TIAM2: variants seen among roughly 807,000 people sequenced by gnomAD.
TIAM2 encodes the protein rho guanine nucleotide exchange factor TIAM2.
TIAM2 carries 80 observed loss-of-function variants against 152.9 expected under a neutral mutation model. That is an observed-to-expected ratio of 0.52 (90% confidence interval 0.44 to 0.63). The LOEUF (loss-of-function observed/expected upper bound fraction) is 0.63. Among genes scored for constraint, TIAM2 ranks in the 30% least tolerant of loss-of-function variants. The pLI is 0.00. For missense variants in TIAM2, 1,965 were observed against 2,120.1 expected (o/e 0.93, Z 1.44); for synonymous variants, 804 against 838.0 (o/e 0.96, Z 0.70).
intron 21 of TIAM2, chr6:155,250,662 G>A (rs1783600600): frequency 2.0e-6 from 3 of 1,520,688 alleles, no homozygotes; most frequent in East Asian, 4.9e-5. Context: ...TGGTCACAAG[G>A]CATGTCTCAC....
At chr6:155,117,482 G>A (rs897765985) in intron 2 of TIAM2, among the ~76,000 whole-genome samples, 5 of 152,086 alleles carry the variant, frequency 3.3e-5, no homozygotes, top group African/African-American at 7.2e-5. Context: ...ATGCTTTGTC[G>A]CCCAGGCTGG....
chr6:155,098,267 G>T (rs761105972), intron 2 of TIAM2, among the ~76,000 whole-genome samples: 6 of 152,056 alleles, frequency 3.9e-5, no homozygotes, highest in Non-Finnish European at 7.4e-5. Context: ...GCTTTGCGTA[G>T]TATTGCCATT....
intron 7 of TIAM2, among the ~76,000 whole-genome samples, chr6:155,154,956 G>C (rs895374388): frequency 6.6e-6 from 1 of 152,180 alleles, no homozygotes; most frequent in South Asian, 2.1e-4. Context: ...GAAAATACGA[G>C]GATACTGTGG....
In TIAM2 at chr6:155,197,827, C is replaced by T. The variant is rs138670428; in HGVS notation, c.3065-13377C>T. On this transcript the variant is annotated intron_variant, in intron 14 of 26. Transcript: ENST00000682666. ...ACCATGCCCAAGGTTAAATTACCTCCCACCGGGTCCCTCCCAGGACAGGTG... is the reference window on the plus strand; with the variant it reads ...ACCATGCCCAAGGTTAAATTACCTCTCACCGGGTCCCTCCCAGGACAGGTG... Among the ~76,000 whole-genome samples, 747 of 152,250 alleles carry T rather than the reference C, an allele frequency of 4.9e-3. 2 individuals are homozygous for T. Among genetic ancestry groups the T allele is most frequent in the African/African-American group, 0.017 (712 of 41,532 alleles).
intron 2 of TIAM2, among the ~76,000 whole-genome samples, chr6:155,123,004 G>A (rs1446898160): frequency 6.6e-6 from 1 of 151,648 alleles, no homozygotes; most frequent in Non-Finnish European, 1.5e-5. Flanking sequence ...CTGAACATTT[G>A]CCTTAAATAT....
At chr6:155,003,352 C>T (rs1885699) in intron 1 of TIAM2, among the ~76,000 whole-genome samples, 35,227 of 151,930 alleles carry the variant, frequency 0.23, 4,455 homozygotes, top group East Asian at 0.38. Flanking sequence ...TAGTGGTGCA[C>T]GCCTGTAATC....
Position 155,127,584 on chromosome 6 carries a change from C to T in TIAM2, c.-23C>T. 2.2e-6 allele frequency: 1 copy of T among 456,056 alleles called. No individual in the cohort carries two copies. The highest frequency in any genetic ancestry group is 4.4e-6 in the Non-Finnish European group (1 of 226,806). The allele number at this position is 456,056 out of a possible 1,614,324, so 28.3% of individuals were successfully genotyped here. ...TACTGACCACTAACCTCCCTCACAG[C>T]AGAAACTAGACGTCAGGTAAACCCA... On this transcript the variant is annotated 5_prime_UTR_variant, in exon 3 of 27. Transcript: ENST00000682666.
chr6:155,218,979 C>T lies in TIAM2; in HGVS notation c.3168+7672C>T, dbSNP rs1284470827. 9.4e-6 allele frequency among the ~76,000 whole-genome samples: 1 copy of T among 106,758 alleles called. No homozygotes were observed. The highest frequency in any genetic ancestry group is 2.0e-5 in the Non-Finnish European group (1 of 51,188). 70.0% of individuals were successfully genotyped at this position (106,758 alleles called of 152,430 possible). On this transcript the variant is annotated intron_variant, in intron 15 of 26. Coordinates refer to ENST00000682666, the MANE Select transcript of TIAM2 (RefSeq NM_012454.4). The surrounding 1 kb of genome is among the most constrained non-coding windows in gnomAD (Gnocchi z 4.5). ...TTCTTGACCATCTCAGCCGCCCACC[C>T]GTGTTCTTGACCATCTCAGCCGTGT...
intron 19 of TIAM2, 35 bp downstream of exon 19, chr6:155,245,766 T>TTTTG: frequency 6.9e-7 from 1 of 1,439,942 alleles, no homozygotes; most frequent in Non-Finnish European, 9.4e-7. Context: ...TTTTTTTTTT[T>TTTTG]TTTTGCATTT....
chr6:155,042,283 C>G (rs1403632433), intron 1 of TIAM2, among the ~76,000 whole-genome samples: 3 of 151,222 alleles, frequency 2.0e-5, no homozygotes. Context: ...GTAAGTTTGG[C>G]CTATGCAACT....
At chr6:155,093,055 A>G (rs1404706735) in intron 2 of TIAM2, among the ~76,000 whole-genome samples, 1 of 152,152 alleles carries the variant, frequency 6.6e-6, no homozygotes, top group Non-Finnish European at 1.5e-5. Context: ...CTGTTTGCAA[A>G]CATGCCATTT....
chr6:155,105,801 A>G (rs1489037481), intron 2 of TIAM2, among the ~76,000 whole-genome samples: 1 of 151,834 alleles, frequency 6.6e-6, no homozygotes, highest in African/African-American at 2.4e-5. Flanking sequence ...CTCTTGCCAC[A>G]TGTTTGTCCG....
At chr6:155,089,626 G>A (rs1385792723) in intron 1 of TIAM2, among the ~76,000 whole-genome samples, 1 of 152,106 alleles carries the variant, frequency 6.6e-6, no homozygotes, top group Admixed American at 6.6e-5. Flanking sequence ...TCTGCCTGGG[G>A]GATCATTTCT....
At chr6:155,157,436 T>C (rs1780148598) in intron 7 of TIAM2, among the ~76,000 whole-genome samples, 1 of 152,042 alleles carries the variant, frequency 6.6e-6, no homozygotes, top group African/African-American at 2.4e-5. Context: ...GAAGTATATT[T>C]CTTTTCTTTT....
intron 7 of TIAM2, among the ~76,000 whole-genome samples, chr6:155,148,768 A>G (rs928578478): frequency 6.6e-6 from 1 of 152,232 alleles, no homozygotes; most frequent in African/African-American, 2.4e-5. Flanking sequence ...TTGCAAAAAA[A>G]CAGTAATTTT....
intron 1 of TIAM2, among the ~76,000 whole-genome samples, chr6:155,018,121 C>T (rs1778629200): frequency 6.6e-6 from 1 of 151,812 alleles, no homozygotes; most frequent in African/African-American, 2.4e-5. Flanking sequence ...GCCTGTAATC[C>T]TAGCACTTTG....
chr6:155,120,579 T>A (rs942673603), intron 2 of TIAM2, among the ~76,000 whole-genome samples: 21 of 152,342 alleles, frequency 1.4e-4, no homozygotes, highest in African/African-American at 5.1e-4. Context: ...TAAGTTTGGA[T>A]CCCTGGTAGA....
intron 7 of TIAM2, among the ~76,000 whole-genome samples, chr6:155,153,668 C>T (rs2115076701): frequency 7.2e-6 from 1 of 138,132 alleles, no homozygotes; most frequent in South Asian, 2.3e-4. Flanking sequence ...GTCACCCAGG[C>T]TGGAGGGTAG....
chr6:155,253,008 T>G lies in TIAM2; in HGVS notation c.4180T>G (p.Leu1394Val). ...CTTGGACCCATTTAAATTCCGCTGG[T>G]TGATCCCCATCTCCGCGCTTCAAGT... is the stretch of plus-strand genomic sequence containing the variant. ...TDLDPFKFRW[L>V]IPISALQVRL... The change falls in exon 24 of 27, where the codon TTG becomes GTG. Residue 1394 changes from leucine to valine, a missense_variant. Leu to Val is a conservative substitution (Grantham distance 32, BLOSUM62 1). Coordinates refer to ENST00000682666, the MANE Select transcript of TIAM2 (RefSeq NM_012454.4). The G allele has an allele frequency of 6.2e-7, 1 of 1,614,212 alleles. No individual in the cohort carries two copies. The highest frequency in any genetic ancestry group is 8.5e-7 in the Non-Finnish European group (1 of 1,180,038).
Sources: allele counts gnomAD v4.1 joint callset (sites outside exome capture counted in the v4.1 genomes callset), GRCh38; gene constraint gnomAD v4.1.1; non-coding constraint Gnocchi (gnomAD v3.1); transcripts MANE v1.5; gene names NCBI Gene and HGNC (gene_info 2026-07-23, HGNC 2026-07-21).